WDR90: variants seen among roughly 807,000 people sequenced by gnomAD.
The protein encoded by WDR90 is WD repeat-containing protein 90.
Under a neutral mutation model 195.2 loss-of-function variants are expected in WDR90, and 238 were observed. The ratio of observed to expected loss-of-function variants is 1.22; its 90% CI spans 1.10 to 1.36. The LOEUF is 1.36. Ranked by LOEUF, WDR90 falls within the 40% of genes most tolerant of loss-of-function variation. The pLI is 0.00. For missense variants in WDR90, 2,734 were observed against 2,439.5 expected (o/e 1.12, Z -2.54); for synonymous variants, 1,265 against 1,052.4 (o/e 1.20, Z -3.91).
At chr16:657,034 A>C (rs6600228) in intron 19 of WDR90, 57 bp from the exon 20 acceptor site, 673,067 of 1,578,800 alleles carry the variant, frequency 0.43, 160,694 homozygotes, top group East Asian at 0.97. Flanking sequence ...GGTCGAGGGA[A>C]CCCATGGTAC....
chr16:660,846 A>T, intron 28 of WDR90, 132 bp downstream of exon 28: 1 of 1,084,698 alleles, frequency 9.2e-7, no homozygotes, highest in Non-Finnish European at 1.2e-6. Flanking sequence ...TTCTCCCGGT[A>T]GCGCCTCCTG....
At position 660,042 on chromosome 16, in the gene WDR90, GC is replaced by G. The variant is rs1433807953; in HGVS notation, c.3185-14del. The G allele has an allele frequency of 6.5e-7, 1 of 1,533,772 alleles. No homozygotes were observed. The highest frequency in any genetic ancestry group is 2.0e-5 in the Admixed American group (1 of 50,556). ...AGGGCAGTGTAATGCCACAAGCTCT[GC>G]CTCCTCCCTGCCAGGCGCCAGGGAC... On this transcript the variant is annotated splice_polypyrimidine_tract_variant and intron_variant, in intron 26 of 40. Transcript: ENST00000293879.
intron 40 of WDR90, 120 bp downstream of exon 40, chr16:667,109 G>T: frequency 1.8e-6 from 2 of 1,110,142 alleles, no homozygotes; most frequent in Non-Finnish European, 2.6e-6. Flanking sequence ...CTGGGGTGGG[G>T]TGAGGACATC....
intron 34 of WDR90, 168 bp downstream of exon 34, chr16:663,012 C>T (rs1217363773): frequency 9.7e-7 from 1 of 1,032,244 alleles, no homozygotes; most frequent in East Asian, 2.6e-5. Flanking sequence ...CACGTCCCCT[C>T]AAAGCCGTCC....
chr16:656,434 C>T lies in WDR90; in HGVS notation c.2099C>T (p.Thr700Ile), dbSNP rs2151235856. ...TACCACATGCTGGCTCGCTCCCACA[C>T]CGCCCCGGTGTTGGCCCTCGCCATG... ...RVYHMLARSH[T>I]APVLALAMEQ... The change falls in exon 18 of 41, where the codon ACC (threonine) becomes ATC (isoleucine). Residue 700 changes from threonine to isoleucine, a missense_variant. Transcript: ENST00000293879. 3 of 1,602,678 alleles carry T rather than the reference C, an allele frequency of 1.9e-6. No homozygotes were observed. Among genetic ancestry groups the T allele is most frequent in the Non-Finnish European group, 2.5e-6 (3 of 1,177,410 alleles).
At chr16:653,891 T>G in intron 13 of WDR90, 88 bp downstream of exon 13, 2 of 1,505,168 alleles carry the variant, frequency 1.3e-6, no homozygotes, top group Non-Finnish European at 9.1e-7. Context: ...AAACTCCAGC[T>G]TCATGTGACC....
rs1290696872 is a variant in WDR90 at position 654,356 on chromosome 16, G to A, written c.1437+553G>A. The A allele has an allele frequency of 5.2e-5, 8 of 152,720 alleles. No homozygotes were observed. In the South Asian group the frequency reaches 1.0e-3, roughly 20 times the overall value. 9.5% of individuals were successfully genotyped at this position (152,720 alleles called of 1,614,324 possible). ...CTTCCCAGATAGCTGGGCCACAGGC[G>A]TGTGCCACCACACCTGGCTAACTTT... is the stretch of plus-strand genomic sequence containing the variant. On this transcript the variant is annotated intron_variant, in intron 13 of 40. Coordinates refer to ENST00000293879, the MANE Select transcript of WDR90 (RefSeq NM_145294.5).
chr16:658,572 G>A lies in WDR90; in HGVS notation c.2814G>A (p.Glu938=). Residue 938 remains glutamate, a synonymous_variant, in exon 23 of 41, where the codon GAG becomes GAA. Coordinates refer to ENST00000293879, the MANE Select transcript of WDR90 (RefSeq NM_145294.5). ...CCTGCCCCTCCTTGACGCTCAGTGA[G>A]GACGCCCGCTTCCTGCTGATTGCCG... The part of the protein sequence containing the change: ...PEPCPSLTLS[E]DARFLLIAAG... The A allele has an allele frequency of 1.2e-6, 2 of 1,612,742 alleles. No individual in the cohort carries two copies. Among genetic ancestry groups the A allele is most frequent in the Non-Finnish European group, 1.7e-6 (2 of 1,179,908 alleles).
intron 34 of WDR90, chr16:663,125 G>GT (rs750279189): frequency 1.4e-5 from 8 of 585,882 alleles, no homozygotes; most frequent in Admixed American, 4.7e-5. Flanking sequence ...TTTGTTTTTT[G>GT]TTTTTTGTAA....
intron 8 of WDR90, 34 bp from the exon 9 acceptor site, chr16:651,793 C>T: frequency 6.2e-7 from 1 of 1,612,126 alleles, no homozygotes; most frequent in Non-Finnish European, 8.5e-7. Context: ...GGTGTGATGG[C>T]CCAGGACGCT....
At chr16:653,123 C>T (rs908140328) in intron 10 of WDR90, among the ~76,000 whole-genome samples, 10 of 152,184 alleles carry the variant, frequency 6.6e-5, no homozygotes, top group African/African-American at 9.7e-5. Flanking sequence ...CTTGAGTGTT[C>T]CAGCTGTTCT....
At chr16:662,624 T>G (rs2037941018) in intron 33 of WDR90, 55 bp from the exon 34 acceptor site, 1 of 1,512,590 alleles carries the variant, frequency 6.6e-7, no homozygotes, top group African/African-American at 1.4e-5. Context: ...CAGCTGGCTC[T>G]TGTCATCGGC....
rs765670604 is a variant in WDR90, at chr16:650,331, C to T, written c.357C>T (p.Pro119=). ...FKSTATWLQF[P]LVLEARTPQR... ...CTACGGCCACGTGGCTCCAGTTTCCCTTGGTCCTGGAGGCCAGGACACCTC... is the reference window on the plus strand; with the variant it reads ...CTACGGCCACGTGGCTCCAGTTTCCTTTGGTCCTGGAGGCCAGGACACCTC... Residue 119 remains proline (P), a synonymous_variant, in exon 4 of 41, where the codon CCC becomes CCT. Transcript: ENST00000293879. The T allele has an allele frequency of 6.8e-6, 11 of 1,612,798 alleles. No homozygotes were observed. The Admixed American group carries it at 1.5e-4, about 22-fold the overall frequency.
In WDR90 at chr16:667,626, G is replaced by C. The variant is rs750010788; in HGVS notation, c.*37G>C. On this transcript the variant is annotated 3_prime_UTR_variant, in exon 41 of 41. Coordinates refer to ENST00000293879, the MANE Select transcript of WDR90 (RefSeq NM_145294.5). ...GACTGTGGTGGTGGGCATCACGCCT[G>C]GTCATGCCAGGCACCTGGACACAGG... The C allele has an allele frequency of 1.3e-6, 2 of 1,599,804 alleles. No individual in the cohort carries two copies. Among genetic ancestry groups the C allele is most frequent in the Admixed American group, 1.7e-5 (1 of 59,896 alleles).
At chr16:650,760 C>T in intron 5 of WDR90, 51 bp downstream of exon 5, 1 of 1,584,274 alleles carries the variant, frequency 6.3e-7, no homozygotes, top group Non-Finnish European at 8.6e-7. Flanking sequence ...ATGCTCTCAG[C>T]CCTGGAGAGG....
In WDR90 at chr16:666,825, C is replaced by T. The variant is rs773737848; in HGVS notation, c.5004+33C>T. The T allele has an allele frequency of 3.1e-6, 5 of 1,612,628 alleles. No homozygotes were observed. In the South Asian group the frequency reaches 3.3e-5, roughly 11 times the overall value. ...CAGCTGCCCGCGTGTCACTGGGAGC[C>T]CCAGGGATCCAGGGTGGTGGGTGGG... is the stretch of plus-strand genomic sequence containing the variant. On this transcript the variant is annotated intron_variant, in intron 39 of 40. Coordinates refer to ENST00000293879, the MANE Select transcript of WDR90 (RefSeq NM_145294.5).
chr16:657,794 C>T lies in WDR90; in HGVS notation c.2506C>T (p.Pro836Ser). 2 of 1,553,816 alleles carry T rather than the reference C, an allele frequency of 1.3e-6. No homozygotes were observed. Among genetic ancestry groups the T allele is most frequent in the South Asian group, 1.2e-5 (1 of 84,370 alleles). ...DMVCPDAPASPSALAVSRDGR... is the reference protein window; with the variant it reads ...DMVCPDAPASSSALAVSRDGR... ...GGTATGCCCGGATGCCCCCGCGAGC[C>T]CCAGCGCCCTGGCAGTCAGCAGGGA... Residue 836 changes from proline to serine, a missense_variant, in exon 21 of 41, where the codon CCC becomes TCC. Transcript: ENST00000293879.
intron 5 of WDR90, 98 bp downstream of exon 5, chr16:650,807 A>C: frequency 6.6e-7 from 1 of 1,520,976 alleles, no homozygotes; most frequent in Non-Finnish European, 8.9e-7. Flanking sequence ...ACAGTGCTCG[A>C]GCTGTGCTGT....
chr16:649,373 C>T lies in WDR90; in HGVS notation c.-44C>T, dbSNP rs1195778086. On this transcript the variant is annotated 5_prime_UTR_variant, in exon 1 of 41. Transcript: ENST00000293879. ...CTGGCGTCGCGGGGCGTACTCTGCG[C>T]TGGGCGCGCGGAGGCCTAGGCGGGA... 7.5e-7 allele frequency: 1 copy of T among 1,330,530 alleles called. No homozygotes were observed. The highest frequency in any genetic ancestry group is 9.6e-7 in the Non-Finnish European group (1 of 1,042,404). The allele number at this position is 1,330,530 out of a possible 1,614,324, so 82.4% of individuals were successfully genotyped here. A position where few individuals can be genotyped will look rare whatever the true frequency, so the allele number is the denominator to read the frequency against.
Sources: gnomAD v4.1 joint callset for allele counts (sites outside exome capture counted in the v4.1 genomes callset) on GRCh38, gnomAD v4.1.1 for gene constraint, MANE v1.5 for transcripts, NCBI Gene and HGNC (gene_info 2026-07-23, HGNC 2026-07-21) for gene names.